CCSER1: variants seen among roughly 807,000 people sequenced by gnomAD.
The protein encoded by CCSER1 is serine-rich coiled-coil domain-containing protein 1.
In CCSER1, 41 loss-of-function variants were observed where a neutral mutation model predicts 82.0. The observed-to-expected ratio is 0.50, with a 90% CI of 0.39 to 0.65. CCSER1 has a LOEUF of 0.65. CCSER1 is among the 30% of genes least tolerant of loss of function. The pLI is 0.00. For synonymous variants in CCSER1, 414 were observed against 383.9 expected (o/e 1.08, Z -0.92); for missense variants, 1,119 against 1,064.2 (o/e 1.05, Z -0.72).
intron 7 of CCSER1, among the ~76,000 whole-genome samples, chr4:90,803,824 A>C (rs1192786170): frequency 6.6e-6 from 1 of 152,146 alleles, no homozygotes; most frequent in Non-Finnish European, 1.5e-5. Context: ...TTACACTCCC[A>C]CCAACAGTGT....
At chr4:90,381,646 G>T (rs929318508) in intron 3 of CCSER1, among the ~76,000 whole-genome samples, 1 of 151,990 alleles carries the variant, frequency 6.6e-6, no homozygotes, top group Non-Finnish European at 1.5e-5. Flanking sequence ...TAAAGAAAGA[G>T]GGGGAAAATG....
intron 10 of CCSER1, among the ~76,000 whole-genome samples, chr4:91,426,513 AAAAAG>A (rs1289453931): frequency 1.3e-5 from 2 of 152,286 alleles, no homozygotes; most frequent in East Asian, 3.9e-4. Flanking sequence ...ATTTAAAAAA[AAAAAG>A]AAAAGTAGTG....
At chr4:90,442,351 T>C (rs947169869) in intron 4 of CCSER1, among the ~76,000 whole-genome samples, 2 of 152,148 alleles carry the variant, frequency 1.3e-5, no homozygotes, top group Non-Finnish European at 2.9e-5. Flanking sequence ...CAATGACTTT[T>C]ACTGGTGAAC....
chr4:90,885,307 G>A (rs1009418418), intron 8 of CCSER1, among the ~76,000 whole-genome samples: 1 of 152,066 alleles, frequency 6.6e-6, no homozygotes, highest in Non-Finnish European at 1.5e-5. Flanking sequence ...AGGAAAATGT[G>A]TTACCCAACA....
chr4:90,129,390 CTT>C (rs998343045), intron 1 of CCSER1, among the ~76,000 whole-genome samples: 27 of 152,142 alleles, frequency 1.8e-4, no homozygotes, highest in African/African-American at 5.8e-4. Flanking sequence ...TAACTTGAAA[CTT>C]AAAGATGCCT....
In CCSER1 at chr4:90,448,444, AATATATATATATAT is replaced by A. The variant is rs70963067; in HGVS notation, c.1604-19762_1604-19749del. ...GCTTTTTTTTTCTCTAGGTGAATTG[AATATATATATATAT>A]ATATATATATATATATATATATATA... On this transcript the variant is annotated intron_variant, in intron 4 of 10. Coordinates refer to ENST00000509176, the MANE Select transcript of CCSER1 (RefSeq NM_001145065.2). Among the ~76,000 whole-genome samples, 307 of 44,102 alleles carry A rather than the reference AATATATATATATAT, an allele frequency of 7.0e-3. 2 individuals are homozygous for A. Among genetic ancestry groups the A allele is most frequent in the Middle Eastern group, 0.062 (1 of 16 alleles). 28.9% of individuals were successfully genotyped at this position (44,102 alleles called of 152,430 possible).
At chr4:91,153,012 T>C (rs1453731125) in intron 10 of CCSER1, among the ~76,000 whole-genome samples, 1 of 151,886 alleles carries the variant, frequency 6.6e-6, no homozygotes, top group African/African-American at 2.4e-5. Flanking sequence ...TCTCAAGGAG[T>C]ATCTTTGTGG....
intron 4 of CCSER1, among the ~76,000 whole-genome samples, chr4:90,421,743 A>G (rs920384272): frequency 2.0e-5 from 3 of 152,162 alleles, no homozygotes; most frequent in Non-Finnish European, 4.4e-5. Flanking sequence ...GAGTTGTAGG[A>G]TTGGCGGAAA....
intron 10 of CCSER1, among the ~76,000 whole-genome samples, chr4:91,548,895 A>G (rs1762020850): frequency 6.6e-6 from 1 of 152,074 alleles, no homozygotes; most frequent in African/African-American, 2.4e-5. Flanking sequence ...TATGTGATGT[A>G]TATTACATTA....
At chr4:91,432,293 T>A (rs937897498) in intron 10 of CCSER1, among the ~76,000 whole-genome samples, 1 of 152,212 alleles carries the variant, frequency 6.6e-6, no homozygotes, top group African/African-American at 2.4e-5. Context: ...AATGGACTAC[T>A]ACAATAATTA....
chr4:90,341,774 T>A (rs1156677046), intron 3 of CCSER1, among the ~76,000 whole-genome samples: 1 of 152,162 alleles, frequency 6.6e-6, no homozygotes, highest in Non-Finnish European at 1.5e-5. Context: ...AATACTCTTT[T>A]ATGGAAATTA....
At chr4:90,265,146 C>T (rs1228620924) in intron 1 of CCSER1, among the ~76,000 whole-genome samples, 1 of 151,854 alleles carries the variant, frequency 6.6e-6, no homozygotes, top group African/African-American at 2.4e-5. Context: ...GAACTACTTG[C>T]AATCTCTTCC....
chr4:91,144,170 TC>T (rs1261584590), intron 10 of CCSER1, among the ~76,000 whole-genome samples: 1 of 152,082 alleles, frequency 6.6e-6, no homozygotes, highest in Non-Finnish European at 1.5e-5. Context: ...GGTTTTAATT[TC>T]TTCTTGATTC....
At chr4:90,861,368 C>T (rs531103888) in intron 8 of CCSER1, among the ~76,000 whole-genome samples, 1 of 151,622 alleles carries the variant, frequency 6.6e-6, no homozygotes, top group Non-Finnish European at 1.5e-5. Context: ...ATTCCAAAAG[C>T]AATAACACAG....
At chr4:91,573,493 GCT>G (rs1176289731) in intron 10 of CCSER1, among the ~76,000 whole-genome samples, 1 of 152,168 alleles carries the variant, frequency 6.6e-6, no homozygotes, top group Non-Finnish European at 1.5e-5. Flanking sequence ...AGTCTGCATA[GCT>G]CTGTCAGATT....
intron 10 of CCSER1, among the ~76,000 whole-genome samples, chr4:91,316,496 T>C (rs1560585235): frequency 6.6e-6 from 1 of 152,040 alleles, no homozygotes; most frequent in Non-Finnish European, 1.5e-5. Flanking sequence ...TCATTACTTA[T>C]AATGGACTGC....
intron 9 of CCSER1, among the ~76,000 whole-genome samples, chr4:90,953,198 T>C (rs936493832): frequency 5.9e-5 from 9 of 151,986 alleles, no homozygotes; most frequent in Non-Finnish European, 1.2e-4. Context: ...AAACAAAAAG[T>C]GATTGGCATA....
At chr4:91,418,488 A>C (rs749189139) in intron 10 of CCSER1, among the ~76,000 whole-genome samples, 2 of 151,912 alleles carry the variant, frequency 1.3e-5, no homozygotes, top group Non-Finnish European at 2.9e-5. Context: ...GAAATGAATA[A>C]ATTTGTAGAA....
chr4:90,689,201 A>T (rs573515868), intron 6 of CCSER1, among the ~76,000 whole-genome samples: 1 of 152,248 alleles, frequency 6.6e-6, no homozygotes, highest in East Asian at 1.9e-4. Context: ...TATTCAAATC[A>T]ATGCAGGGAA....
Sources: gnomAD v4.1 joint callset for allele counts (sites outside exome capture counted in the v4.1 genomes callset) on GRCh38, gnomAD v4.1.1 for gene constraint, MANE v1.5 for transcripts, NCBI Gene and HGNC (gene_info 2026-07-23, HGNC 2026-07-21) for gene names.